Variants in EDA observed in about 807,000 individuals in gnomAD.
EDA encodes the protein ectodysplasin A.
EDA carries 2 observed loss-of-function variants against 23.6 expected under a neutral mutation model. That is an observed-to-expected ratio of 0.08 (90% CI 0.03 to 0.27). The LOEUF (loss-of-function observed/expected upper bound fraction) is 0.27. EDA is among the 10% of genes least tolerant of loss of function. The pLI is 1.00. For synonymous variants in EDA, 131 were observed against 132.0 expected (o/e 0.99, Z 0.05); for missense variants, 229 against 324.2 (o/e 0.71, Z 2.26).
At chrX:69,667,818 G>A (rs929155833) in intron 1 of EDA, among the ~76,000 whole-genome samples, 11 of 112,394 alleles carry the variant, frequency 9.8e-5, no homozygotes, top group Admixed American at 8.5e-4. Flanking sequence ...GCCTGCATCT[G>A]GCGAGGGCCT....
intron 1 of EDA, among the ~76,000 whole-genome samples, chrX:69,709,320 C>A (rs751675371): frequency 3.6e-5 from 4 of 111,867 alleles, no homozygotes; most frequent in African/African-American, 9.7e-5. Context: ...GTTTTCAAAC[C>A]ATCAGTGGAA....
At chrX:70,032,001 G>A (rs745360756) in intron 6 of EDA, among the ~76,000 whole-genome samples, 2 of 111,413 alleles carry the variant, frequency 1.8e-5, no homozygotes, top group Non-Finnish European at 3.8e-5. Context: ...ACTCACACCT[G>A]TAATCCCAGC....
At chrX:69,786,617 A>T (rs1318373437) in intron 1 of EDA, among the ~76,000 whole-genome samples, 1 of 109,392 alleles carries the variant, frequency 9.1e-6, no homozygotes, top group Admixed American at 9.8e-5. Context: ...GAGATTCTTA[A>T]TCCTGAGTTC....
chrX:69,869,175 G>T (rs1967392251), intron 1 of EDA, among the ~76,000 whole-genome samples: 1 of 111,667 alleles, frequency 9.0e-6, no homozygotes. Context: ...TCTGCCAGCT[G>T]CTAAGTATGT....
At chrX:69,929,624 G>A (rs754903462) in intron 1 of EDA, among the ~76,000 whole-genome samples, 1 of 109,106 alleles carries the variant, frequency 9.2e-6, no homozygotes, top group South Asian at 4.1e-4. Context: ...ACTGACAGTG[G>A]TCTGCCAAAG....
At chrX:69,676,853 G>C (rs910161926) in intron 1 of EDA, among the ~76,000 whole-genome samples, 2 of 109,702 alleles carry the variant, frequency 1.8e-5, no homozygotes, top group Non-Finnish European at 3.8e-5. Context: ...TACACTTTAA[G>C]TTTTAGGGTA....
intron 1 of EDA, among the ~76,000 whole-genome samples, chrX:69,645,883 C>T (rs1201938934): frequency 9.1e-6 from 1 of 109,680 alleles, no homozygotes; most frequent in Non-Finnish European, 1.9e-5. Flanking sequence ...GATTCTGGTA[C>T]GTTGTCTCTT....
chrX:69,678,152 G>C (rs1219062430), intron 1 of EDA, among the ~76,000 whole-genome samples: 1 of 110,850 alleles, frequency 9.0e-6, no homozygotes, highest in Non-Finnish European at 1.9e-5. Context: ...CGTTATTCCT[G>C]AGGGCTCTGT....
chrX:69,669,602 T>C (rs1008076555), intron 1 of EDA, among the ~76,000 whole-genome samples: 4 of 112,308 alleles, frequency 3.6e-5, no homozygotes, highest in Non-Finnish European at 7.5e-5. Flanking sequence ...TACATCTTTT[T>C]ATATTGGGTA....
intron 1 of EDA, among the ~76,000 whole-genome samples, chrX:69,774,846 G>A (rs1332940076): frequency 3.6e-5 from 4 of 111,226 alleles, no homozygotes; most frequent in Non-Finnish European, 7.5e-5. Context: ...ATTCAACTGA[G>A]TGGATATCTT....
intron 1 of EDA, among the ~76,000 whole-genome samples, chrX:69,699,955 T>G: frequency 9.0e-6 from 1 of 110,685 alleles, no homozygotes; most frequent in East Asian, 2.9e-4. Flanking sequence ...AGAAAAGAGA[T>G]AATTTCTTGC....
At chrX:69,684,661 G>A (rs1231006882) in intron 1 of EDA, among the ~76,000 whole-genome samples, 3 of 112,260 alleles carry the variant, frequency 2.7e-5, no homozygotes, top group Non-Finnish European at 3.8e-5. Flanking sequence ...GAATTGAAAT[G>A]CAATGGTAAG....
chrX:69,796,250 T>C (rs978507850), intron 1 of EDA, among the ~76,000 whole-genome samples: 1 of 111,399 alleles, frequency 9.0e-6, no homozygotes, highest in Non-Finnish European at 1.9e-5. Flanking sequence ...TACTAACATC[T>C]GAGTAAGTCA....
intron 1 of EDA, among the ~76,000 whole-genome samples, chrX:69,761,098 A>G (rs192815654): frequency 3.6e-5 from 4 of 110,938 alleles, no homozygotes; most frequent in Non-Finnish European, 7.6e-5. Flanking sequence ...CAACAAGGAT[A>G]TATAGAGGGA....
chrX:69,767,308 A>C (rs780797931), intron 1 of EDA, among the ~76,000 whole-genome samples: 1 of 111,394 alleles, frequency 9.0e-6, no homozygotes, highest in African/African-American at 3.3e-5. Flanking sequence ...TCTAAATAAT[A>C]AATATACCTA....
chrX:69,657,429 G>T (rs762946147), intron 1 of EDA, among the ~76,000 whole-genome samples: 9 of 112,118 alleles, frequency 8.0e-5, no homozygotes, highest in African/African-American at 2.9e-4. Flanking sequence ...TCTGTAGGTT[G>T]TCTGTTTACT....
intron 1 of EDA, among the ~76,000 whole-genome samples, chrX:69,683,388 G>A (rs956511974): frequency 9.0e-6 from 1 of 111,183 alleles, no homozygotes; most frequent in Admixed American, 9.6e-5. Flanking sequence ...AGCCCAAGAT[G>A]ACTACTACTG....
chrX:69,718,256 T>TTTTG (rs1555988903), intron 1 of EDA, among the ~76,000 whole-genome samples: 1 of 110,978 alleles, frequency 9.0e-6, no homozygotes, highest in Non-Finnish European at 1.9e-5. Context: ...ACAAAGATAG[T>TTTTG]TTTCTTTCTT....
intron 1 of EDA, among the ~76,000 whole-genome samples, chrX:69,807,408 G>A (rs908064477): frequency 2.0e-4 from 20 of 99,590 alleles, no homozygotes; most frequent in African/African-American, 7.0e-4. Flanking sequence ...GATTATAGTT[G>A]AATTTACCCC....
Sources: gnomAD v4.1 joint callset for allele counts (sites outside exome capture counted in the v4.1 genomes callset) on GRCh38, gnomAD v4.1.1 for gene constraint, MANE v1.5 for transcripts, NCBI Gene and HGNC (gene_info 2026-07-23, HGNC 2026-07-21) for gene names.